Variants in TXNDC16 observed in about 807,000 individuals in gnomAD.
TXNDC16 encodes the protein thioredoxin domain containing 16, also known as thioredoxin domain-containing protein 16.
In TXNDC16, 74 loss-of-function variants were observed where a neutral mutation model predicts 85.6. The ratio of observed to expected loss-of-function variants is 0.86; its 90% CI spans 0.72 to 1.05. The LOEUF (loss-of-function observed/expected upper bound fraction) is 1.05. TXNDC16 is among the 50% of genes least tolerant of loss of function. The probability of loss-of-function intolerance (pLI) is 0.00; values close to 1 mark genes in which losing one functional copy is unlikely to be tolerated. For missense variants in TXNDC16, 959 were observed against 947.0 expected, an observed-to-expected ratio of 1.01 and a Z score of -0.17; for synonymous variants, 335 against 326.5, an observed-to-expected ratio of 1.03 and a Z score of -0.28.
chr14:52,446,132 T>A (rs367772766), intron 18 of TXNDC16, among the ~76,000 whole-genome samples: 1 of 152,080 alleles, frequency 6.6e-6, no homozygotes, highest in Non-Finnish European at 1.5e-5. Flanking sequence ...CAGTACCTGG[T>A]TTTAACTTTA....
chr14:52,439,881 ACT>A (rs1355947965), intron 19 of TXNDC16, among the ~76,000 whole-genome samples: 1 of 132,412 alleles, frequency 7.6e-6, no homozygotes, highest in African/African-American at 2.9e-5. Flanking sequence ...ATACAAGGAA[ACT>A]CTAAGTTAAA....
At chr14:52,474,730 CAA>C (rs200222566) in intron 14 of TXNDC16, among the ~76,000 whole-genome samples, 4 of 126,146 alleles carry the variant, frequency 3.2e-5, no homozygotes, top group Admixed American at 8.1e-5. Context: ...AACTCCATCT[CAA>C]AAAAAAAAAA....
chr14:52,441,205 T>C (rs1451225326), intron 18 of TXNDC16, among the ~76,000 whole-genome samples: 1 of 152,200 alleles, frequency 6.6e-6, no homozygotes, highest in Non-Finnish European at 1.5e-5. Context: ...TAACCAAAAA[T>C]ATGCTAAAAC....
rs1194814726 is a variant in TXNDC16, at chr14:52,470,544, T to C, written c.1449A>G (p.Leu483=). The change falls in exon 15 of 21, where the codon TTA becomes TTG. Residue 483 remains leucine (L), a synonymous_variant. Coordinates refer to ENST00000281741, the MANE Select transcript of TXNDC16 (RefSeq NM_020784.3). ...TAAATTTTAGGAGATCTTCGGTTCC[T>C]AACATTCCAGCATAAGATACTGGGT... The part of the protein sequence containing the change: ...GENPVSYAGM[L]GTEDLLKFIQ... 3 of 1,613,512 alleles carry C rather than the reference T, an allele frequency of 1.9e-6. No individual in the cohort carries two copies. Among genetic ancestry groups the C allele is most frequent in the Admixed American group, 3.3e-5 (2 of 59,936 alleles).
chr14:52,491,697 C>T (rs1394101275), intron 9 of TXNDC16, among the ~76,000 whole-genome samples: 2 of 152,030 alleles, frequency 1.3e-5, no homozygotes, highest in Admixed American at 6.6e-5. Context: ...TATAATGACA[C>T]ATTACAAAAC....
intron 18 of TXNDC16, among the ~76,000 whole-genome samples, chr14:52,447,796 C>T (rs1406941952): frequency 6.6e-6 from 1 of 151,912 alleles, no homozygotes; most frequent in Non-Finnish European, 1.5e-5. Context: ...TTCAAGATAA[C>T]ACAGGGAAGG....
At chr14:52,503,300 TAGC>T (rs2036707256) in intron 9 of TXNDC16, among the ~76,000 whole-genome samples, 2 of 152,172 alleles carry the variant, frequency 1.3e-5, no homozygotes, top group Non-Finnish European at 2.9e-5. Flanking sequence ...GACCCCCAAG[TAGC>T]CTCACTGGGA....
intron 6 of TXNDC16, among the ~76,000 whole-genome samples, chr14:52,530,524 TTA>T (rs2037532157): frequency 6.6e-5 from 1 of 15,212 alleles, no homozygotes; most frequent in Non-Finnish European, 1.3e-4. Context: ...TTATATAATA[TTA>T]TATATAATAA....
chr14:52,442,723 C>A (rs1157519524), intron 18 of TXNDC16, among the ~76,000 whole-genome samples: 1 of 151,906 alleles, frequency 6.6e-6, no homozygotes, highest in African/African-American at 2.4e-5. Flanking sequence ...GAGTTAGATC[C>A]CTCTCCTAAA....
intron 7 of TXNDC16, among the ~76,000 whole-genome samples, chr14:52,518,138 T>A (rs115336958): frequency 0.01 from 1,566 of 152,342 alleles, 27 homozygotes; most frequent in African/African-American, 0.036. Flanking sequence ...CTTTACTGGT[T>A]CATCCTTACC....
At chr14:52,477,136 G>A (rs770798694) in intron 14 of TXNDC16, among the ~76,000 whole-genome samples, 2 of 152,024 alleles carry the variant, frequency 1.3e-5, no homozygotes, top group African/African-American at 4.8e-5. Context: ...GAGAGAATTC[G>A]CCACTACCAA....
rs7155630 is a variant in TXNDC16, at chr14:52,533,611, T to C, written c.392+3108A>G. On this transcript the variant is annotated intron_variant, in intron 6 of 20. Transcript: ENST00000281741. ...ACCAAAAGTAATAATCAAGGTTTCA[T>C]TTACTTACTAGGAAAGTGCAAACAA... Among the ~76,000 whole-genome samples, 647 of 152,292 alleles carry C rather than the reference T, an allele frequency of 4.2e-3. 10 individuals are homozygous for C. The highest frequency in any genetic ancestry group is 0.015 in the African/African-American group (620 of 41,562).
chr14:52,546,484 C>T (rs2037944540), intron 1 of TXNDC16, among the ~76,000 whole-genome samples: 1 of 152,140 alleles, frequency 6.6e-6, no homozygotes, highest in African/African-American at 2.4e-5. Flanking sequence ...TTACGACCAC[C>T]AGATGACTTA....
At chr14:52,504,518 G>A (rs2036743428) in intron 9 of TXNDC16, among the ~76,000 whole-genome samples, 1 of 152,142 alleles carries the variant, frequency 6.6e-6, no homozygotes, top group Non-Finnish European at 1.5e-5. Flanking sequence ...ACAAGCAAAT[G>A]CTGAGAGATT....
chr14:52,445,014 T>C (rs926849685), intron 18 of TXNDC16, among the ~76,000 whole-genome samples: 4 of 152,142 alleles, frequency 2.6e-5, no homozygotes, highest in African/African-American at 9.6e-5. Context: ...CTATAGTACT[T>C]GATGGAAATA....
intron 20 of TXNDC16, among the ~76,000 whole-genome samples, chr14:52,435,197 T>C (rs1412188905): frequency 1.3e-5 from 2 of 151,540 alleles, no homozygotes; most frequent in African/African-American, 4.8e-5. Flanking sequence ...TAGAGCCACA[T>C]AGTAATCTAG....
intron 6 of TXNDC16, among the ~76,000 whole-genome samples, chr14:52,533,787 C>T (rs1289455133): frequency 6.6e-6 from 1 of 152,010 alleles, no homozygotes; most frequent in Non-Finnish European, 1.5e-5. Context: ...CTTTATGGAC[C>T]CATGGACTTG....
chr14:52,511,939 G>A (rs1384150264), intron 8 of TXNDC16, among the ~76,000 whole-genome samples: 3 of 152,102 alleles, frequency 2.0e-5, no homozygotes, highest in Admixed American at 6.6e-5. Flanking sequence ...TTGAGCTTTC[G>A]CATTCCCTTC....
intron 8 of TXNDC16, among the ~76,000 whole-genome samples, chr14:52,512,057 C>A (rs577764159): frequency 6.6e-6 from 1 of 152,072 alleles, no homozygotes; most frequent in South Asian, 2.1e-4. Flanking sequence ...CAAAATACTA[C>A]AAAATTTTAT....
Sources: gnomAD v4.1 joint callset for allele counts (sites outside exome capture counted in the v4.1 genomes callset) on GRCh38, gnomAD v4.1.1 for gene constraint, MANE v1.5 for transcripts, NCBI Gene and HGNC (gene_info 2026-07-23, HGNC 2026-07-21) for gene names.